The following SUPT3H variants were observed in gnomAD, a reference collection of about 807,000 sequenced individuals.
SUPT3H encodes transcription initiation protein SPT3 homolog.
In SUPT3H, 44 loss-of-function variants were observed where a neutral mutation model predicts 44.3. The observed-to-expected ratio is 0.99, with a 90% confidence interval of 0.78 to 1.28. The LOEUF (loss-of-function observed/expected upper bound fraction) is 1.28, where lower values mean the gene tolerates loss of function less well. Ranked by LOEUF, SUPT3H falls within the 50% of genes most tolerant of loss-of-function variation. The pLI is 0.00. For synonymous variants in SUPT3H, 124 were observed against 125.6 expected (o/e 0.99, Z 0.09); for missense variants, 380 against 387.1 (o/e 0.98, Z 0.15).
chr6:44,916,636 G>C (rs1214994608), intron 10 of SUPT3H, among the ~76,000 whole-genome samples: 1 of 152,152 alleles, frequency 6.6e-6, no homozygotes, highest in Non-Finnish European at 1.5e-5. Context: ...TATGGCTCTG[G>C]GTCTCTGTCT....
chr6:44,952,461 A>C (rs1334700654), intron 9 of SUPT3H, among the ~76,000 whole-genome samples: 3 of 152,156 alleles, frequency 2.0e-5, no homozygotes, highest in African/African-American at 7.3e-5. Flanking sequence ...GAAATGTGTA[A>C]TCAAGGTATG....
intron 2 of SUPT3H, among the ~76,000 whole-genome samples, chr6:45,173,989 G>T (rs1267852017): frequency 6.6e-6 from 1 of 152,168 alleles, no homozygotes; most frequent in Admixed American, 6.5e-5. Context: ...GGAAAATAGG[G>T]CATCTGTTTG....
rs181602647 is a variant in SUPT3H, at chr6:45,148,227, A to G, written c.102-42221T>C. ...CCTTCCTTTTTAACAAACATATACC[A>G]TATTCTATTTTAAACTTGTATGTAT... On this transcript the variant is annotated intron_variant, in intron 2 of 10. Transcript: ENST00000371459. 2.1e-3 allele frequency among the ~76,000 whole-genome samples: 323 copies of G among 152,260 alleles called. 1 individual carries two copies. Among genetic ancestry groups the G allele is most frequent in the African/African-American group, 7.4e-3 (309 of 41,566 alleles).
intron 2 of SUPT3H, among the ~76,000 whole-genome samples, chr6:45,361,386 TATC>T (rs1403552045): frequency 6.6e-6 from 1 of 152,144 alleles, no homozygotes; most frequent in East Asian, 1.9e-4. Flanking sequence ...CTGGCATCAT[TATC>T]ATCAGGCCTG....
At chr6:45,336,503 A>G (rs1043942659) in intron 2 of SUPT3H, among the ~76,000 whole-genome samples, 2 of 151,528 alleles carry the variant, frequency 1.3e-5, no homozygotes, top group African/African-American at 4.8e-5. Flanking sequence ...CACAAGACAC[A>G]CTAAAATCAG....
intron 2 of SUPT3H, among the ~76,000 whole-genome samples, chr6:45,144,878 C>T (rs138629990): frequency 3.9e-5 from 6 of 152,070 alleles, no homozygotes; most frequent in East Asian, 1.9e-4. Context: ...ACACTAACAA[C>T]GACGAAGCTG....
chr6:45,289,482 C>T (rs1225629013), intron 2 of SUPT3H, among the ~76,000 whole-genome samples: 1 of 152,072 alleles, frequency 6.6e-6, no homozygotes, highest in Admixed American at 6.5e-5. Context: ...CAGTAATTCA[C>T]TGTATCTTTA....
intron 2 of SUPT3H, among the ~76,000 whole-genome samples, chr6:45,214,647 G>A (rs1230613309): frequency 6.6e-6 from 1 of 152,128 alleles, no homozygotes; most frequent in Non-Finnish European, 1.5e-5. Flanking sequence ...AAGAGTTGAA[G>A]ACCAGCCTGA....
intron 1 of SUPT3H, among the ~76,000 whole-genome samples, chr6:45,368,172 T>C (rs1267346073): frequency 1.3e-5 from 2 of 152,162 alleles, no homozygotes; most frequent in East Asian, 1.9e-4. Context: ...CAATTGAAAA[T>C]GCATCTGTTT....
chr6:45,184,641 A>C (rs1303644236), intron 2 of SUPT3H, among the ~76,000 whole-genome samples: 1 of 152,090 alleles, frequency 6.6e-6, no homozygotes, highest in Non-Finnish European at 1.5e-5. Flanking sequence ...GAAAAAAAGA[A>C]GGCTGGCTGC....
At chr6:45,210,331 C>T (rs116267535) in intron 2 of SUPT3H, among the ~76,000 whole-genome samples, 283 of 152,282 alleles carry the variant, frequency 1.9e-3, no homozygotes, top group African/African-American at 6.5e-3. Context: ...TTCTGTTCAC[C>T]TAGGACAAAT....
intron 2 of SUPT3H, among the ~76,000 whole-genome samples, chr6:45,142,166 A>C (rs1805319163): frequency 1.3e-5 from 2 of 152,286 alleles, no homozygotes; most frequent in Admixed American, 1.3e-4. Context: ...TAAACGAGAG[A>C]AAGATAAAGT....
At chr6:45,120,596 G>C (rs1473064584) in intron 2 of SUPT3H, among the ~76,000 whole-genome samples, 1 of 151,940 alleles carries the variant, frequency 6.6e-6, no homozygotes, top group Non-Finnish European at 1.5e-5. Flanking sequence ...AGAAGATTAA[G>C]AGGAAAACTA....
chr6:44,893,446 C>G (rs1763625601), intron 10 of SUPT3H, among the ~76,000 whole-genome samples: 1 of 148,738 alleles, frequency 6.7e-6, no homozygotes, highest in Admixed American at 6.9e-5. Flanking sequence ...TCTCATTGTT[C>G]AATTCCCACC....
intron 2 of SUPT3H, among the ~76,000 whole-genome samples, chr6:45,208,812 G>A (rs761514566): frequency 7.9e-5 from 12 of 151,620 alleles, no homozygotes; most frequent in Non-Finnish European, 1.8e-4. Context: ...TCCCATAGCT[G>A]GAGAGGAGAA....
chr6:45,285,110 T>A (rs369970471), intron 2 of SUPT3H, among the ~76,000 whole-genome samples: 2,644 of 151,776 alleles, frequency 0.017, 48 homozygotes, highest in South Asian at 0.084. Flanking sequence ...ATAAGAGCTA[T>A]CTATGACAAA....
chr6:45,359,160 A>T (rs969282202), intron 2 of SUPT3H, among the ~76,000 whole-genome samples: 11 of 152,168 alleles, frequency 7.2e-5, no homozygotes, highest in Non-Finnish European at 1.2e-4. Flanking sequence ...ATATTTAAAT[A>T]AAAAAATCAA....
chr6:44,849,255 C>A (rs1325930904), intron 10 of SUPT3H, among the ~76,000 whole-genome samples: 1 of 113,268 alleles, frequency 8.8e-6, no homozygotes, highest in African/African-American at 3.4e-5. Context: ...GAGACGGAGT[C>A]TCGCTCTGTC....
chr6:45,179,423 C>T (rs950962093), intron 2 of SUPT3H, among the ~76,000 whole-genome samples: 30 of 152,050 alleles, frequency 2.0e-4, no homozygotes, highest in Admixed American at 1.8e-3. Flanking sequence ...GAGACACAAC[C>T]AAATAGGAGA....
Sources: allele counts gnomAD v4.1 joint callset (sites outside exome capture counted in the v4.1 genomes callset), GRCh38; gene constraint gnomAD v4.1.1; transcripts MANE v1.5; gene names NCBI Gene and HGNC (gene_info 2026-07-23, HGNC 2026-07-21).